The following TRDN variants were observed in gnomAD, a reference collection of about 807,000 sequenced individuals.
TRDN encodes triadin in skeletal muscle.
Under a neutral mutation model 149.7 loss-of-function variants are expected in TRDN, and 161 were observed. The observed-to-expected ratio is 1.08, with a 90% confidence interval of 0.95 to 1.23. The LOEUF (loss-of-function observed/expected upper bound fraction) is 1.23. Among genes scored for constraint, TRDN ranks in the 50% most tolerant of loss-of-function variants. The pLI, the probability that TRDN is intolerant of heterozygous loss-of-function variation, is 0.00. For synonymous variants in TRDN, 294 were observed against 250.5 expected, an observed-to-expected ratio of 1.17 and a Z score of -1.64; for missense variants, 896 against 823.5, an observed-to-expected ratio of 1.09 and a Z score of -1.08.
intron 9 of TRDN, among the ~76,000 whole-genome samples, chr6:123,486,391 A>G (rs1027430798): frequency 2.6e-5 from 4 of 151,852 alleles, no homozygotes; most frequent in South Asian, 4.2e-4. Context: ...CAATAAATTC[A>G]TTATACTATA....
intron 10 of TRDN, among the ~76,000 whole-genome samples, chr6:123,443,278 A>G (rs887685497): frequency 2.9e-5 from 4 of 138,294 alleles, no homozygotes; most frequent in East Asian, 2.0e-4. Context: ...AAAGATTAGG[A>G]AAAAAAAAAA....
rs766873082 is a variant in TRDN at position 123,316,499 on chromosome 6, G to A, written c.1472-4C>T. ...TCATCTTTTTTAGTTTCAGGTTCTGGGGCAAAACGTACACATAAACACGTA... is the reference window on the plus strand; with the variant it reads ...TCATCTTTTTTAGTTTCAGGTTCTGAGGCAAAACGTACACATAAACACGTA... On this transcript the variant is annotated splice_region_variant and splice_polypyrimidine_tract_variant and intron_variant, in intron 23 of 40. Coordinates refer to ENST00000334268, the MANE Select transcript of TRDN (RefSeq NM_006073.4). The A allele has an allele frequency of 1.9e-6, 3 of 1,609,492 alleles. No individual in the cohort carries two copies. Among genetic ancestry groups the A allele is most frequent in the African/African-American group, 2.7e-5 (2 of 74,480 alleles).
At chr6:123,633,676 G>A (rs1305718306) in intron 1 of TRDN, among the ~76,000 whole-genome samples, 1 of 151,936 alleles carries the variant, frequency 6.6e-6, no homozygotes, top group Non-Finnish European at 1.5e-5. Flanking sequence ...AAAATCCTTT[G>A]GAGTTCAACT....
Position 123,636,509 on chromosome 6 carries a change from C to T in TRDN, c.22+245G>A, listed in dbSNP as rs191439569. Among the ~76,000 whole-genome samples the T allele has an allele frequency of 2.5e-3, 381 of 151,920 alleles. 1 individual carries two copies. The highest frequency in any genetic ancestry group is 3.9e-3 in the Non-Finnish European group (263 of 67,918). Reference sequence around the variant, plus strand: ...GAGTAACAACTGTTAACTAGTGGGGCCTTTGGTATAGCAGAGAACAGTTTC... The same window carrying T: ...GAGTAACAACTGTTAACTAGTGGGGTCTTTGGTATAGCAGAGAACAGTTTC... On this transcript the variant is annotated intron_variant, in intron 1 of 40. Transcript: ENST00000334268.
chr6:123,557,713 A>G (rs1245276377), intron 2 of TRDN, among the ~76,000 whole-genome samples: 3 of 151,936 alleles, frequency 2.0e-5, no homozygotes, highest in Non-Finnish European at 2.9e-5. Flanking sequence ...CTTCACCCTT[A>G]GCAGCAAGCA....
intron 10 of TRDN, chr6:123,441,013 A>C (rs1774849803): frequency 6.6e-6 from 1 of 152,080 alleles, no homozygotes; most frequent in Admixed American, 6.5e-5. Flanking sequence ...AATGTCCTTT[A>C]ATAACATTTT....
intron 4 of TRDN, among the ~76,000 whole-genome samples, chr6:123,534,035 A>T (rs376856819): frequency 2.6e-5 from 4 of 152,082 alleles, no homozygotes; most frequent in Non-Finnish European, 5.9e-5. Flanking sequence ...CTTCAGCCTT[A>T]GAACAAACTA....
intron 33 of TRDN, among the ~76,000 whole-genome samples, chr6:123,263,316 C>T (rs1776834866): frequency 6.6e-6 from 1 of 152,002 alleles, no homozygotes; most frequent in African/African-American, 2.4e-5. Context: ...TCTATGAAGG[C>T]TGAGAGAAGT....
In TRDN at chr6:123,497,235, G is replaced by A. The variant is rs1201954479; in HGVS notation, c.811C>T (p.Arg271Ter). Residue 271 changes from arginine (R) to a stop codon, truncating the protein, a stop_gained, in exon 9 of 41, where the codon CGA (arginine) becomes TGA (stop). Transcript: ENST00000334268. LOFTEE classifies it high-confidence loss of function. ...TGGACAAATATGTCAATCATATATCGACAGAATGCATACTGATCTGACAGA... is the reference window on the plus strand; with the variant it reads ...TGGACAAATATGTCAATCATATATCAACAGAATGCATACTGATCTGACAGA... ...HEQKDQYAFC[R>*]YMIDIFVHGD... 1.0e-5 allele frequency: 16 copies of A among 1,554,170 alleles called. No homozygotes were observed. The highest frequency in any genetic ancestry group is 3.4e-4 in the Middle Eastern group (2 of 5,956).
intron 10 of TRDN, 63 bp downstream of exon 10, chr6:123,464,843 G>T (rs1306099405): frequency 4.6e-6 from 7 of 1,536,592 alleles, no homozygotes; most frequent in Non-Finnish European, 5.3e-6. Context: ...TTTTGTTGTT[G>T]CTGTTCCTCT....
chr6:123,620,767 A>G (rs1785341341), intron 1 of TRDN, among the ~76,000 whole-genome samples: 1 of 152,168 alleles, frequency 6.6e-6, no homozygotes, highest in Admixed American at 6.6e-5. Flanking sequence ...AAGATGGGCA[A>G]TCTTCATCTA....
intron 12 of TRDN, among the ~76,000 whole-genome samples, chr6:123,436,083 A>G (rs974933636): frequency 6.6e-6 from 1 of 152,180 alleles, no homozygotes; most frequent in South Asian, 2.1e-4. Flanking sequence ...ATTTGCGTGC[A>G]TATGAAAAAT....
At chr6:123,541,460 T>C (rs1239192935) in intron 4 of TRDN, among the ~76,000 whole-genome samples, 2 of 152,146 alleles carry the variant, frequency 1.3e-5, no homozygotes, top group Admixed American at 1.3e-4. Flanking sequence ...TAAATCTCCT[T>C]TGATCTCGCC....
chr6:123,363,447 T>A (rs911439363), intron 20 of TRDN, among the ~76,000 whole-genome samples: 1 of 152,232 alleles, frequency 6.6e-6, no homozygotes, highest in Non-Finnish European at 1.5e-5. Context: ...AAAACAGCTA[T>A]GGTTGCTTTG....
At chr6:123,575,070 G>A (rs1782783233) in intron 1 of TRDN, among the ~76,000 whole-genome samples, 1 of 151,242 alleles carries the variant, frequency 6.6e-6, no homozygotes, top group Non-Finnish European at 1.5e-5. Flanking sequence ...TTAAATAGAT[G>A]AAAATGATAA....
chr6:123,570,332 A>T (rs1043696783), intron 2 of TRDN, among the ~76,000 whole-genome samples: 1 of 152,236 alleles, frequency 6.6e-6, no homozygotes, highest in African/African-American at 2.4e-5. Flanking sequence ...GTCAAAATAA[A>T]TAAATACAGT....
At chr6:123,456,870 C>A (rs1196804608) in intron 10 of TRDN, 1 of 455,754 alleles carries the variant, frequency 2.2e-6, no homozygotes, top group Non-Finnish European at 4.4e-6. Flanking sequence ...AAGGATGACG[C>A]CATTTGGAAT....
intron 39 of TRDN, among the ~76,000 whole-genome samples, chr6:123,222,979 GA>G (rs1775207865): frequency 6.6e-6 from 1 of 151,670 alleles, no homozygotes; most frequent in East Asian, 1.9e-4. Context: ...TGGCTATTAT[GA>G]AAAAGTCAAA....
chr6:123,542,956 G>A (rs1246862322), intron 4 of TRDN, among the ~76,000 whole-genome samples: 1 of 101,122 alleles, frequency 9.9e-6, no homozygotes, highest in East Asian at 2.0e-4. Flanking sequence ...ATAATTAAGG[G>A]AATTAAAATT....
Sources: allele counts gnomAD v4.1 joint callset (sites outside exome capture counted in the v4.1 genomes callset), GRCh38; gene constraint gnomAD v4.1.1; transcripts MANE v1.5; gene names NCBI Gene and HGNC (gene_info 2026-07-23, HGNC 2026-07-21).